SOX6: variants seen among roughly 807,000 people sequenced by gnomAD.
SOX6 encodes the protein SRY-box transcription factor 6.
In SOX6, 11 loss-of-function variants were observed where a neutral mutation model predicts 97.8. That is an observed-to-expected ratio of 0.11 (90% CI 0.07 to 0.19). The LOEUF (loss-of-function observed/expected upper bound fraction) is 0.19, where lower values mean the gene tolerates loss of function less well. Among genes scored for constraint, SOX6 ranks in the 10% least tolerant of loss-of-function variants. SOX6 has a pLI of 1.00. For missense variants in SOX6, 810 were observed against 1,039.5 expected, an observed-to-expected ratio of 0.78 and a Z score of 3.04; for synonymous variants, 360 against 371.4, an observed-to-expected ratio of 0.97 and a Z score of 0.35.
intron 1 of SOX6, among the ~76,000 whole-genome samples, chr11:16,430,637 C>T (rs1859255305): frequency 6.6e-6 from 1 of 152,136 alleles, no homozygotes; most frequent in Non-Finnish European, 1.5e-5. Context: ...GGGCGCTCAC[C>T]AGACAACAGA....
intron 2 of SOX6, among the ~76,000 whole-genome samples, chr11:16,339,741 T>TA (rs1190969668): frequency 1.3e-5 from 2 of 152,088 alleles, no homozygotes; most frequent in Non-Finnish European, 1.5e-5. Context: ...GGCACATAGA[T>TA]GGTACTCAAT....
intron 3 of SOX6, among the ~76,000 whole-genome samples, chr11:16,303,642 G>A (rs1272501752): frequency 6.6e-6 from 1 of 152,082 alleles, no homozygotes; most frequent in African/African-American, 2.4e-5. Flanking sequence ...GAGTAAGTTT[G>A]TCTAGGTATA....
chr11:16,189,594 T>C (rs1291264999), intron 4 of SOX6, among the ~76,000 whole-genome samples: 1 of 152,164 alleles, frequency 6.6e-6, no homozygotes, highest in Non-Finnish European at 1.5e-5. Context: ...ATAGACCATG[T>C]GTGATGATCT....
At chr11:16,505,435 T>G (rs2133146981) in intron 4 of SOX6, among the ~76,000 whole-genome samples, 1 of 152,244 alleles carries the variant, frequency 6.6e-6, no homozygotes, top group South Asian at 2.1e-4. Context: ...ATGTTTATAT[T>G]CATGAGCAAA....
At chr11:16,170,350 C>A (rs979796068) in intron 6 of SOX6, among the ~76,000 whole-genome samples, 2 of 151,610 alleles carry the variant, frequency 1.3e-5, no homozygotes, top group African/African-American at 4.8e-5. Flanking sequence ...TACAACTTCA[C>A]AGCTACTTAG....
chr11:16,009,920 G>C (rs1854659912), intron 13 of SOX6, among the ~76,000 whole-genome samples: 1 of 151,962 alleles, frequency 6.6e-6, no homozygotes, highest in Non-Finnish European at 1.5e-5. Context: ...TCTAGGGAGG[G>C]TAGGGGAATG....
At chr11:16,658,222 A>G (rs1847738525) in intron 3 of SOX6, among the ~76,000 whole-genome samples, 1 of 152,192 alleles carries the variant, frequency 6.6e-6, no homozygotes, top group African/African-American at 2.4e-5. Flanking sequence ...CTGTGGTTCT[A>G]CCTGGTATTT....
At chr11:16,401,687 A>G (rs1041249191) in intron 1 of SOX6, among the ~76,000 whole-genome samples, 5 of 151,554 alleles carry the variant, frequency 3.3e-5, no homozygotes, top group Middle Eastern at 3.2e-3. Flanking sequence ...GTTTCATTAT[A>G]TTACTTTAAG....
chr11:16,408,674 A>C (rs1253769312), intron 1 of SOX6: 2 of 152,022 alleles, frequency 1.3e-5, no homozygotes, highest in East Asian at 3.9e-4. Context: ...ACATGGGTCA[A>C]ATTACATGTG....
At chr11:16,107,412 TATATACATATATATAC>T (rs1849119973) in intron 7 of SOX6, among the ~76,000 whole-genome samples, 1 of 142,852 alleles carries the variant, frequency 7.0e-6, no homozygotes, top group South Asian at 2.1e-4. Flanking sequence ...TATGTATATA[TATATACATATATATAC>T]ATATATATAC....
chr11:16,284,969 A>G (rs1854689373), intron 3 of SOX6, among the ~76,000 whole-genome samples: 1 of 152,154 alleles, frequency 6.6e-6, no homozygotes, highest in African/African-American at 2.4e-5. Flanking sequence ...TAACTAAGGT[A>G]CATTAAAAGC....
chr11:16,135,761 C>A (rs1167161282), intron 6 of SOX6, among the ~76,000 whole-genome samples: 2 of 152,162 alleles, frequency 1.3e-5, no homozygotes, highest in Non-Finnish European at 1.5e-5. Flanking sequence ...TAGAATATTA[C>A]ATAAACTTAG....
chr11:16,549,429 A>G (rs1847657299), intron 4 of SOX6, among the ~76,000 whole-genome samples: 1 of 152,182 alleles, frequency 6.6e-6, no homozygotes, highest in Admixed American at 6.5e-5. Flanking sequence ...TCGGCCTCCC[A>G]ATATAACTAA....
At chr11:16,215,591 G>A (rs1175867718) in intron 4 of SOX6, among the ~76,000 whole-genome samples, 2 of 152,054 alleles carry the variant, frequency 1.3e-5, no homozygotes, top group Non-Finnish European at 2.9e-5. Context: ...ATTCACTGTT[G>A]CGTTGTAGAT....
At chr11:16,264,850 C>CGAA (rs1554950837) in intron 3 of SOX6, 1 of 133,234 alleles carries the variant, frequency 7.5e-6, no homozygotes, top group Non-Finnish European at 1.6e-5. Context: ...TACCCTCCTG[C>CGAA]AAAAAAAAAA....
chr11:16,145,706 A>G (rs1348110836), intron 6 of SOX6, among the ~76,000 whole-genome samples: 7 of 152,216 alleles, frequency 4.6e-5, no homozygotes, highest in Admixed American at 4.6e-4. Flanking sequence ...ATACACCAAC[A>G]ACAGACAAAC....
chr11:16,139,067 C>T (rs1210045075), intron 6 of SOX6, among the ~76,000 whole-genome samples: 1 of 152,156 alleles, frequency 6.6e-6, no homozygotes, highest in Non-Finnish European at 1.5e-5. Context: ...TTTTGTCAGA[C>T]ATATCACCAG....
At chr11:16,586,100 G>A (rs1456983542) in intron 4 of SOX6, among the ~76,000 whole-genome samples, 1 of 152,138 alleles carries the variant, frequency 6.6e-6, no homozygotes. Context: ...ATTACTAAGT[G>A]CTTAAAAAGA....
At chr11:16,554,595 C>T (rs1389650943) in intron 4 of SOX6, among the ~76,000 whole-genome samples, 1 of 152,016 alleles carries the variant, frequency 6.6e-6, no homozygotes, top group Admixed American at 6.6e-5. Flanking sequence ...GTAATGATCT[C>T]CCAAAAATTA....
Sources: allele counts gnomAD v4.1 joint callset (sites outside exome capture counted in the v4.1 genomes callset), GRCh38; gene constraint gnomAD v4.1.1; transcripts MANE v1.5; gene names NCBI Gene and HGNC (gene_info 2026-07-23, HGNC 2026-07-21).